Variants in PPM1K observed in about 807,000 individuals in gnomAD.
PPM1K encodes protein phosphatase, Mg2+/Mn2+ dependent 1K, also known as protein phosphatase Mn(2+)-dependent 1K.
PPM1K carries 19 observed loss-of-function variants against 32.6 expected under a neutral mutation model. The observed-to-expected ratio is 0.58, with a 90% CI of 0.41 to 0.86. PPM1K has a LOEUF of 0.86. PPM1K is among the 40% of genes least tolerant of loss of function. PPM1K has a pLI of 0.00. For synonymous variants in PPM1K, 159 were observed against 165.3 expected (o/e 0.96, Z 0.29); for missense variants, 362 against 461.2 (o/e 0.78, Z 1.97).
In PPM1K at chr4:88,278,588, C is replaced by G. The variant is rs372926185; in HGVS notation, c.-5G>C. On this transcript the variant is annotated 5_prime_UTR_variant, in exon 2 of 7. Transcript: ENST00000608933. The surrounding 1 kb of genome is among the most constrained non-coding windows in gnomAD (Gnocchi z 4.2). ...AATTAAGGCAGCTGTTGACATAACT[C>G]AGCTCCAAAGGACTCAGTGATGAGG... The G allele has an allele frequency of 6.3e-7, 1 of 1,598,340 alleles. No homozygotes were observed. Among genetic ancestry groups the G allele is most frequent in the Non-Finnish European group, 8.5e-7 (1 of 1,172,286 alleles).
chr4:88,262,752 G>A, intron 6 of PPM1K, 26 bp from the exon 7 acceptor site: 4 of 1,581,790 alleles, frequency 2.5e-6, no homozygotes, highest in Non-Finnish European at 3.4e-6. Flanking sequence ...GGAAGAAAGA[G>A]AAAAACATTG....
intron 1 of PPM1K, among the ~76,000 whole-genome samples, chr4:88,281,105 A>G (rs1418695510): frequency 2.0e-5 from 3 of 152,174 alleles, no homozygotes; most frequent in Non-Finnish European, 4.4e-5. Flanking sequence ...AAGCAGCTTT[A>G]TATCATATAG....
In PPM1K at chr4:88,277,180, A is replaced by C; in HGVS notation, c.504T>G (p.Asp168Glu). Residue 168 changes from aspartate to glutamate, a missense_variant, in exon 3 of 7, where the codon GAT becomes GAG. Transcript: ENST00000608933. ...GGCGGGCATGACTCGAAAAGGCTTT[A>C]TCTATTTCTAGAAAAGCCAAGGTCA... ...TLLTLAFLEI[D>E]KAFSSHARLS... The C allele has an allele frequency of 1.9e-6, 3 of 1,614,024 alleles. No individual in the cohort carries two copies. Among genetic ancestry groups the C allele is most frequent in the Non-Finnish European group, 2.5e-6 (3 of 1,179,916 alleles).
At chr4:88,276,408 C>CA (rs1731768979) in intron 3 of PPM1K, 1 of 985,320 alleles carries the variant, frequency 1.0e-6, no homozygotes, top group African/African-American at 1.7e-5. Context: ...ACTTTAACAG[C>CA]AAAAGATTTG....
chr4:88,266,262 C>A (rs1174199473), intron 5 of PPM1K, among the ~76,000 whole-genome samples: 1 of 152,150 alleles, frequency 6.6e-6, no homozygotes, highest in African/African-American at 2.4e-5. Context: ...TGTTGGGGGG[C>A]AGTTCAGGAC....
intron 3 of PPM1K, among the ~76,000 whole-genome samples, chr4:88,274,285 G>A (rs1421179431): frequency 1.3e-5 from 2 of 152,198 alleles, no homozygotes; most frequent in Non-Finnish European, 2.9e-5. Context: ...CCACCCAGGA[G>A]TGACAGCTCA....
rs575467743 is a variant in PPM1K at position 88,282,103 on chromosome 4, A to C, written c.-60+2303T>G. 2.0e-5 allele frequency among the ~76,000 whole-genome samples: 3 copies of C among 152,346 alleles called. No homozygotes were observed. The South Asian group carries it at 6.2e-4, about 32-fold the overall frequency. The stretch of plus-strand genomic sequence containing the variant: ...TTCATTATTCCACAAACTAAGAGAG[A>C]GAAGGAATCTTTTTAAGTAAGCAGG... On this transcript the variant is annotated intron_variant, in intron 1 of 6. Coordinates refer to ENST00000608933, the MANE Select transcript of PPM1K (RefSeq NM_152542.5).
In PPM1K at chr4:88,272,553, GCTAT is replaced by G. The variant is rs200099400; in HGVS notation, c.542-3651_542-3648del. Among the ~76,000 whole-genome samples the G allele has an allele frequency of 4.8e-3, 732 of 152,244 alleles. 2 individuals are homozygous for G. The highest frequency in any genetic ancestry group is 0.017 in the African/African-American group (690 of 41,546). ...TCTACCATCTAGTTTGTTCTAAGTG[GCTAT>G]CTCTTTATAAACAACGGACTGGTGG... On this transcript the variant is annotated intron_variant, in intron 3 of 6. Coordinates refer to ENST00000608933, the MANE Select transcript of PPM1K (RefSeq NM_152542.5).
rs536122759 is a variant in PPM1K, at chr4:88,278,347, G to T, written c.237C>A (p.Pro79=). 11 of 1,614,180 alleles carry T rather than the reference G, an allele frequency of 6.8e-6. No individual in the cohort carries two copies. The African/African-American group carries it at 1.5e-4, about 22-fold the overall frequency. Residue 79 remains proline (P), a synonymous_variant, in exon 2 of 7, where the codon CCC becomes CCA. Transcript: ENST00000608933. The surrounding 1 kb of genome is among the most constrained non-coding windows in gnomAD (Gnocchi z 4.2). The part of the protein sequence containing the change: ...NRIDEPILLP[P]SIKYGKPIPK... ...GAATTGGCTTGCCATACTTAATGCT[G>T]GGTGGCAGCAGAATTGGCTCATCAA... is the stretch of plus-strand genomic sequence containing the variant.
At chr4:88,269,703 C>A (rs1414560622) in intron 3 of PPM1K, among the ~76,000 whole-genome samples, 1 of 152,180 alleles carries the variant, frequency 6.6e-6, no homozygotes, top group African/African-American at 2.4e-5. Flanking sequence ...AGTCTTCAAA[C>A]GCAGGGCAGT....
intron 1 of PPM1K, among the ~76,000 whole-genome samples, chr4:88,283,332 G>T (rs1015342734): frequency 1.3e-5 from 2 of 152,228 alleles, no homozygotes; most frequent in Non-Finnish European, 2.9e-5. Context: ...GGCTGGTCTC[G>T]AACTCCTGGG....
At position 88,283,314 on chromosome 4, in the gene PPM1K, G is replaced by T. The variant is rs1732091767; in HGVS notation, c.-60+1092C>A. Among the ~76,000 whole-genome samples, 4 of 152,340 alleles carry T rather than the reference G, an allele frequency of 2.6e-5. No homozygotes were observed. The South Asian group carries it at 8.3e-4, about 32-fold the overall frequency. On this transcript the variant is annotated intron_variant, in intron 1 of 6. Transcript: ENST00000608933. Reference sequence around the variant, plus strand: ...TTTTGTAGAGCCGAGGTTTCGATGTGTTGCCCAGGCTGGTCTCGAACTCCT... The same window carrying T: ...TTTTGTAGAGCCGAGGTTTCGATGTTTTGCCCAGGCTGGTCTCGAACTCCT...
At position 88,278,361 on chromosome 4, in the gene PPM1K, T is replaced by C. The variant is rs769407666; in HGVS notation, c.223A>G (p.Ile75Val). The C allele has an allele frequency of 2.8e-5, 45 of 1,614,098 alleles. No homozygotes were observed. The highest frequency in any genetic ancestry group is 2.5e-4 in the Admixed American group (15 of 60,002). The change falls in exon 2 of 7, where the codon ATT becomes GTT. Residue 75 changes from isoleucine (I) to valine (V), a missense_variant. Physicochemically the swap from Ile to Val is conservative, Grantham distance 29. Coordinates refer to ENST00000608933, the MANE Select transcript of PPM1K (RefSeq NM_152542.5). The surrounding 1 kb of genome is among the most constrained non-coding windows in gnomAD (Gnocchi z 4.2). Reference sequence around the variant, plus strand: ...TACTTAATGCTGGGTGGCAGCAGAATTGGCTCATCAATGCGGTTATCCCAG... The same window carrying C: ...TACTTAATGCTGGGTGGCAGCAGAACTGGCTCATCAATGCGGTTATCCCAG... ...GIWDNRIDEP[I>V]LLPPSIKYGK... is the part of the protein sequence containing the mutation.
At chr4:88,277,273 A>G in intron 2 of PPM1K, 30 bp from the exon 3 acceptor site, 1 of 1,455,204 alleles carries the variant, frequency 6.9e-7, no homozygotes. Context: ...AGAGCCTTAA[A>G]CAATCATTTT....
chr4:88,268,311 A>G lies in PPM1K; in HGVS notation c.731T>C (p.Val244Ala), dbSNP rs886463289. The G allele has an allele frequency of 1.9e-6, 3 of 1,614,220 alleles. No homozygotes were observed. The highest frequency in any genetic ancestry group is 1.7e-6 in the Non-Finnish European group (2 of 1,180,034). ...KERIKKCGGFVAWNSLGQPHV... is the reference protein window; with the variant it reads ...KERIKKCGGFAAWNSLGQPHV... ...AGGCTGCCCCAAACTATTCCAAGCTACAAAACCACCACATTTCTTGATCCT... is the reference window on the plus strand; with the variant it reads ...AGGCTGCCCCAAACTATTCCAAGCTGCAAAACCACCACATTTCTTGATCCT... The change falls in exon 5 of 7, where the codon GTA (valine) becomes GCA (alanine). Residue 244 changes from valine to alanine, a missense_variant. Val to Ala is a moderately conservative substitution (Grantham distance 64). Coordinates refer to ENST00000608933, the MANE Select transcript of PPM1K (RefSeq NM_152542.5).
At chr4:88,283,297 A>G (rs1732090887) in intron 1 of PPM1K, among the ~76,000 whole-genome samples, 1 of 152,186 alleles carries the variant, frequency 6.6e-6, no homozygotes, top group Non-Finnish European at 1.5e-5. Flanking sequence ...TGTTTTGTAG[A>G]GCCGAGGTTT....
intron 3 of PPM1K, among the ~76,000 whole-genome samples, chr4:88,274,186 G>A (rs957288620): frequency 2.6e-5 from 4 of 152,158 alleles, no homozygotes; most frequent in Admixed American, 6.5e-5. Flanking sequence ...TGAGCGGCAC[G>A]CCTCTCTTTT....
intron 3 of PPM1K, chr4:88,275,616 A>C (rs1291755743): frequency 2.0e-6 from 2 of 985,266 alleles, no homozygotes; most frequent in Non-Finnish European, 2.4e-6. Flanking sequence ...CTCATCCAAA[A>C]ACCTTGCCCA....
chr4:88,270,559 A>C (rs1359094491), intron 3 of PPM1K, among the ~76,000 whole-genome samples: 1 of 152,248 alleles, frequency 6.6e-6, no homozygotes, highest in Non-Finnish European at 1.5e-5. Flanking sequence ...ATGATATTTC[A>C]AACGATTTAA....
Sources: gnomAD v4.1 joint callset for allele counts (sites outside exome capture counted in the v4.1 genomes callset) on GRCh38, gnomAD v4.1.1 for gene constraint, Gnocchi (gnomAD v3.1) non-coding constraint, MANE v1.5 for transcripts, NCBI Gene and HGNC (gene_info 2026-07-23, HGNC 2026-07-21) for gene names.